Variants in DENND2B observed in about 807,000 individuals in gnomAD.
The protein encoded by DENND2B is DENN domain-containing protein 2B.
Under a neutral mutation model 116.0 loss-of-function variants are expected in DENND2B, and 32 were observed. The observed-to-expected ratio is 0.28, with a 90% CI of 0.21 to 0.37. DENND2B has a LOEUF of 0.37. Ranked by LOEUF, DENND2B falls within the 10% of genes least tolerant of loss-of-function variation. The pLI is 1.00. For missense variants in DENND2B, 1,276 were observed against 1,477.7 expected (o/e 0.86, Z 2.24); for synonymous variants, 588 against 583.9 (o/e 1.01, Z -0.10).
At chr11:8,802,338 G>A (rs908708681) in intron 1 of DENND2B, among the ~76,000 whole-genome samples, 3 of 150,596 alleles carry the variant, frequency 2.0e-5, no homozygotes, top group Admixed American at 2.0e-4. Context: ...TGGTTTACAA[G>A]AGAATAATAA....
intron 1 of DENND2B, among the ~76,000 whole-genome samples, chr11:8,769,824 T>C (rs190045412): frequency 1.3e-5 from 2 of 152,248 alleles, no homozygotes; most frequent in Non-Finnish European, 2.9e-5. Flanking sequence ...CATATACATT[T>C]GGCCCCAATA....
chr11:8,693,995 G>A lies in DENND2B; in HGVS notation c.*101C>T. 7.8e-7 allele frequency: 1 copy of A among 1,284,158 alleles called. No homozygotes were observed. 79.5% of individuals were successfully genotyped at this position (1,284,158 alleles called of 1,614,324 possible). ...GGCTGGCTTGGAGGATAGGATCTGT[G>A]GGGGCAGAGGAGCCACAGCAGCCCA... On this transcript the variant is annotated 3_prime_UTR_variant, in exon 20 of 20. Transcript: ENST00000313726.
intron 1 of DENND2B, among the ~76,000 whole-genome samples, chr11:8,782,886 C>CAA (rs66930048): frequency 0.012 from 1,155 of 98,690 alleles, 25 homozygotes; most frequent in African/African-American, 0.035. Flanking sequence ...GACTCTGTCT[C>CAA]AAAAAAAAAA....
intron 2 of DENND2B, among the ~76,000 whole-genome samples, chr11:8,861,346 C>A (rs1988708): frequency 0.55 from 83,086 of 151,882 alleles, 22,888 homozygotes; most frequent in Middle Eastern, 0.73. Flanking sequence ...GAAAAAAACA[C>A]TCCCATCAAA....
chr11:8,898,444 C>T (rs143975033), intron 1 of DENND2B, among the ~76,000 whole-genome samples: 14 of 152,246 alleles, frequency 9.2e-5, no homozygotes, highest in African/African-American at 3.4e-4. Context: ...TCAGTAGCTA[C>T]ACACTACAGG....
At chr11:8,852,366 TG>T (rs1405146961) in intron 3 of DENND2B, among the ~76,000 whole-genome samples, 1 of 152,156 alleles carries the variant, frequency 6.6e-6, no homozygotes, top group African/African-American at 2.4e-5. Flanking sequence ...CCAGGTTCAG[TG>T]GCCTATAATC....
upstream of DENND2B, among the ~76,000 whole-genome samples, chr11:8,873,927 A>G (rs1268655937): frequency 3.3e-5 from 5 of 152,236 alleles, no homozygotes; most frequent in Admixed American, 2.0e-4. Flanking sequence ...TTGGACTTTA[A>G]TCACAGCATA....
intron 1 of DENND2B, chr11:8,910,001 T>C (rs2064295522): frequency 6.6e-6 from 1 of 151,856 alleles, no homozygotes; most frequent in Non-Finnish European, 1.5e-5. Flanking sequence ...ACCAGCGGAG[T>C]GGAGTGACAG....
In DENND2B at chr11:8,768,248, T is replaced by C. The variant is rs115782328; in HGVS notation, c.-25-17523A>G. 5.4e-3 allele frequency among the ~76,000 whole-genome samples: 824 copies of C among 152,190 alleles called. 11 individuals are homozygous for C. The highest frequency in any genetic ancestry group is 0.019 in the African/African-American group (769 of 41,522). On this transcript the variant is annotated intron_variant, in intron 1 of 19. Coordinates refer to ENST00000313726, the MANE Select transcript of DENND2B (RefSeq NM_213618.2). The stretch of plus-strand genomic sequence containing the variant: ...ACTTCCCTCAAGGATCTTTAATTTA[T>C]TTATTTATTTATTATTTAGAGATTA...
At chr11:8,835,241 C>G (rs142492495) in intron 4 of DENND2B, among the ~76,000 whole-genome samples, 113 of 152,306 alleles carry the variant, frequency 7.4e-4, no homozygotes, top group African/African-American at 2.0e-3. Context: ...AAGACTCTGT[C>G]TCCAAACAAA....
intron 4 of DENND2B, among the ~76,000 whole-genome samples, chr11:8,825,999 T>A (rs2061963963): frequency 1.3e-5 from 2 of 152,060 alleles, no homozygotes; most frequent in South Asian, 4.2e-4. Context: ...TTCAGACAAA[T>A]ATATTGAAAG....
chr11:8,863,346 T>TCCCAGGTTCACACCATTCCCCTGC (rs543669262), intron 2 of DENND2B, among the ~76,000 whole-genome samples: 1 of 81,270 alleles, frequency 1.2e-5, no homozygotes, highest in African/African-American at 4.5e-5. Context: ...AAGCTCCACC[T>TCCCAGGTTCACACCATTCCCCTGC]CTCAGCCTCC....
At chr11:8,886,230 C>A (rs565049039) in intron 1 of DENND2B, among the ~76,000 whole-genome samples, 30 of 152,248 alleles carry the variant, frequency 2.0e-4, no homozygotes, top group Admixed American at 1.7e-3. Flanking sequence ...CCACCACGCC[C>A]AGCCTAGAAA....
chr11:8,841,918 A>T (rs1851629312), intron 3 of DENND2B, among the ~76,000 whole-genome samples: 1 of 152,170 alleles, frequency 6.6e-6, no homozygotes, highest in African/African-American at 2.4e-5. Flanking sequence ...TTTTCAGGCC[A>T]GTTAGCTGGA....
At chr11:8,872,491 A>AG (rs2063797399), upstream of DENND2B, among the ~76,000 whole-genome samples, 1 of 151,360 alleles carries the variant, frequency 6.6e-6, no homozygotes, top group East Asian at 1.9e-4. Flanking sequence ...CGTCTAAAAA[A>AG]AAAAAAAAAA....
intron 2 of DENND2B, among the ~76,000 whole-genome samples, chr11:8,865,149 G>T (rs2063531361): frequency 6.6e-6 from 1 of 152,090 alleles, no homozygotes; most frequent in Admixed American, 6.5e-5. Context: ...CTAAATTCCA[G>T]TTTAAACAAA....
At chr11:8,890,519 G>A (rs1363386919) in intron 1 of DENND2B, among the ~76,000 whole-genome samples, 4 of 152,120 alleles carry the variant, frequency 2.6e-5, no homozygotes, top group African/African-American at 7.2e-5. Flanking sequence ...TGGCTAACTA[G>A]AATAACCAGT....
chr11:8,775,063 T>C (rs1482713461), intron 1 of DENND2B, among the ~76,000 whole-genome samples: 1 of 151,800 alleles, frequency 6.6e-6, no homozygotes, highest in Non-Finnish European at 1.5e-5. Context: ...GTATTTTCAA[T>C]AGAGACGGGG....
At chr11:8,726,877 A>C (rs2047164571) in intron 3 of DENND2B, among the ~76,000 whole-genome samples, 1 of 152,224 alleles carries the variant, frequency 6.6e-6, no homozygotes, top group Non-Finnish European at 1.5e-5. Context: ...CCCTTAAAAC[A>C]AATAAGACCA....
Sources: allele counts gnomAD v4.1 joint callset (sites outside exome capture counted in the v4.1 genomes callset), GRCh38; gene constraint gnomAD v4.1.1; transcripts MANE v1.5; gene names NCBI Gene and HGNC (gene_info 2026-07-23, HGNC 2026-07-21).